CAMKMT: variants seen among roughly 807,000 people sequenced by gnomAD.
CAMKMT encodes the protein calmodulin-lysine N-methyltransferase.
In CAMKMT, 53 loss-of-function variants were observed where a neutral mutation model predicts 48.0. The observed-to-expected ratio is 1.10, with a 90% confidence interval of 0.89 to 1.39. The LOEUF (loss-of-function observed/expected upper bound fraction) is 1.39. Among genes scored for constraint, CAMKMT ranks in the 40% most tolerant of loss-of-function variants. The probability of loss-of-function intolerance (pLI) is 0.00; values close to 1 mark genes in which losing one functional copy is unlikely to be tolerated. For synonymous variants in CAMKMT, 165 were observed against 152.3 expected, an observed-to-expected ratio of 1.08 and a Z score of -0.61; for missense variants, 428 against 402.7, an observed-to-expected ratio of 1.06 and a Z score of -0.54.
At chr2:44,605,606 A>G (rs980218918) in intron 3 of CAMKMT, among the ~76,000 whole-genome samples, 3 of 152,142 alleles carry the variant, frequency 2.0e-5, no homozygotes, top group African/African-American at 4.8e-5. Context: ...TTTTATTTTT[A>G]AGAATCAAAA....
intron 6 of CAMKMT, among the ~76,000 whole-genome samples, chr2:44,711,160 G>A (rs1403798749): frequency 6.6e-6 from 1 of 152,146 alleles, no homozygotes; most frequent in East Asian, 1.9e-4. Context: ...CCTGTGTCCA[G>A]GCTTCTTCTT....
chr2:44,623,811 C>T (rs1432311438), intron 3 of CAMKMT, among the ~76,000 whole-genome samples: 1 of 152,112 alleles, frequency 6.6e-6, no homozygotes, highest in Non-Finnish European at 1.5e-5. Flanking sequence ...TCCCCTACTC[C>T]ACCACCAGGA....
chr2:44,687,829 A>G (rs1354701364), intron 3 of CAMKMT, among the ~76,000 whole-genome samples: 1 of 152,254 alleles, frequency 6.6e-6, no homozygotes, highest in Non-Finnish European at 1.5e-5. Context: ...TGCTTCCTCC[A>G]TCAAAGCAAA....
intron 3 of CAMKMT, among the ~76,000 whole-genome samples, chr2:44,518,163 T>C (rs1670926889): frequency 6.6e-6 from 1 of 152,116 alleles, no homozygotes; most frequent in South Asian, 2.1e-4. Context: ...AAAAACACTT[T>C]TTTTTTTCAA....
At chr2:44,626,349 G>A (rs1672483592) in intron 3 of CAMKMT, among the ~76,000 whole-genome samples, 2 of 152,036 alleles carry the variant, frequency 1.3e-5, no homozygotes, top group African/African-American at 4.8e-5. Flanking sequence ...CTAGCATATA[G>A]AAATACAATT....
intron 2 of CAMKMT, among the ~76,000 whole-genome samples, chr2:44,375,905 C>T (rs374750919): frequency 2.0e-5 from 3 of 152,064 alleles, no homozygotes; most frequent in Middle Eastern, 3.2e-3. Context: ...CCTGCCTCAG[C>T]CTCCTGAGTA....
intron 6 of CAMKMT, among the ~76,000 whole-genome samples, chr2:44,708,878 G>A (rs1441211499): frequency 6.6e-6 from 1 of 152,018 alleles, no homozygotes. Flanking sequence ...GAAACTTTCA[G>A]CTTGGGCCCG....
At chr2:44,563,304 C>G (rs1315116815) in intron 3 of CAMKMT, among the ~76,000 whole-genome samples, 18 of 151,518 alleles carry the variant, frequency 1.2e-4, no homozygotes, top group Admixed American at 1.1e-3. Flanking sequence ...ACTTTTTTTA[C>G]TTCAAAATGT....
chr2:44,647,125 T>C (rs534177998), intron 3 of CAMKMT, among the ~76,000 whole-genome samples: 15 of 151,896 alleles, frequency 9.9e-5, no homozygotes, highest in Admixed American at 3.9e-4. Context: ...GGTGAAACTA[T>C]GTTACTAAGT....
chr2:44,462,688 C>CT (rs1260975392), intron 3 of CAMKMT, among the ~76,000 whole-genome samples: 1 of 151,836 alleles, frequency 6.6e-6, no homozygotes, highest in Non-Finnish European at 1.5e-5. Flanking sequence ...TGCTGAAGTC[C>CT]TTGCGTTCAT....
chr2:44,736,275 C>T (rs1392256282), intron 7 of CAMKMT, among the ~76,000 whole-genome samples: 2 of 152,128 alleles, frequency 1.3e-5, no homozygotes, highest in Admixed American at 6.6e-5. Context: ...AATATATTTT[C>T]ACTGGCTATA....
intron 3 of CAMKMT, among the ~76,000 whole-genome samples, chr2:44,422,403 G>A (rs1683992741): frequency 6.6e-6 from 1 of 152,128 alleles, no homozygotes; most frequent in Non-Finnish European, 1.5e-5. Context: ...TAAATTTGCT[G>A]AATATTGGGC....
intron 3 of CAMKMT, among the ~76,000 whole-genome samples, chr2:44,554,836 C>G (rs1242716718): frequency 6.6e-6 from 1 of 152,156 alleles, no homozygotes; most frequent in Non-Finnish European, 1.5e-5. Flanking sequence ...TGATCATACC[C>G]TGCACTCCGG....
At chr2:44,689,859 A>G (rs1225051547) in intron 3 of CAMKMT, among the ~76,000 whole-genome samples, 2 of 152,206 alleles carry the variant, frequency 1.3e-5, no homozygotes, top group African/African-American at 4.8e-5. Context: ...GTTTTGTTAC[A>G]CTGAGGAGAA....
intron 7 of CAMKMT, among the ~76,000 whole-genome samples, chr2:44,722,888 T>A (rs1678547335): frequency 6.6e-6 from 1 of 152,204 alleles, no homozygotes; most frequent in South Asian, 2.1e-4. Context: ...TTTCAAGGTC[T>A]TGAAACCCTT....
chr2:44,612,847 C>A (rs59600390), intron 3 of CAMKMT, among the ~76,000 whole-genome samples: 1 of 152,130 alleles, frequency 6.6e-6, no homozygotes, highest in Non-Finnish European at 1.5e-5. Context: ...TTTTCAATCC[C>A]CCTCCTTTCC....
chr2:44,710,993 G>A (rs1033884140), intron 6 of CAMKMT, among the ~76,000 whole-genome samples: 1 of 152,080 alleles, frequency 6.6e-6, no homozygotes, highest in Non-Finnish European at 1.5e-5. Context: ...TCCAAAAATG[G>A]GTAAATCCCC....
intron 3 of CAMKMT, among the ~76,000 whole-genome samples, chr2:44,593,737 G>A (rs955332823): frequency 6.0e-5 from 9 of 149,742 alleles, no homozygotes; most frequent in African/African-American, 2.2e-4. Flanking sequence ...AAGTCTCCCT[G>A]GGGAATTTTT....
At chr2:44,479,394 C>T (rs1668854089) in intron 3 of CAMKMT, among the ~76,000 whole-genome samples, 1 of 152,166 alleles carries the variant, frequency 6.6e-6, no homozygotes, top group South Asian at 2.1e-4. Context: ...TCAGAGTTCA[C>T]GGTTGTGGGT....
Sources: allele counts gnomAD v4.1 joint callset (sites outside exome capture counted in the v4.1 genomes callset), GRCh38; gene constraint gnomAD v4.1.1; transcripts MANE v1.5; gene names NCBI Gene and HGNC (gene_info 2026-07-23, HGNC 2026-07-21).